The following ANO3 variants were observed in gnomAD, a reference collection of about 807,000 sequenced individuals.
ANO3 encodes the protein anoctamin-3.
ANO3 carries 99 observed loss-of-function variants against 144.8 expected under a neutral mutation model. The ratio of observed to expected loss-of-function variants is 0.68; its 90% CI spans 0.58 to 0.81. The LOEUF is 0.81. ANO3 is among the 30% of genes least tolerant of loss of function. The pLI is 0.00. For synonymous variants in ANO3, 414 were observed against 392.6 expected (o/e 1.05, Z -0.64); for missense variants, 905 against 1,202.2 (o/e 0.75, Z 3.66).
intron 18 of ANO3, among the ~76,000 whole-genome samples, chr11:26,625,540 C>G (rs114161025): frequency 3.3e-4 from 50 of 152,260 alleles, no homozygotes; most frequent in African/African-American, 1.2e-3. Flanking sequence ...ATGGTATATT[C>G]TATAATTGTG....
At chr11:26,647,941 C>A in intron 24 of ANO3, 85 bp downstream of exon 24, 1 of 1,309,662 alleles carries the variant, frequency 7.6e-7, no homozygotes, top group Non-Finnish European at 1.0e-6. Flanking sequence ...TGTTCTGTGA[C>A]CATTAAGGGT....
chr11:26,610,853 A>G (rs1256495311), intron 17 of ANO3, among the ~76,000 whole-genome samples: 1 of 151,800 alleles, frequency 6.6e-6, no homozygotes, highest in Non-Finnish European at 1.5e-5. Flanking sequence ...GTTTCTTCCT[A>G]ATTTAATCTT....
chr11:26,367,542 G>T (rs1856126415), intron 1 of ANO3, among the ~76,000 whole-genome samples: 2 of 151,374 alleles, frequency 1.3e-5, no homozygotes, highest in South Asian at 2.1e-4. Flanking sequence ...TCCAACATCT[G>T]TCTGTTACCC....
intron 5 of ANO3, among the ~76,000 whole-genome samples, chr11:26,512,272 C>T (rs1339918270): frequency 6.6e-6 from 1 of 152,206 alleles, no homozygotes; most frequent in Non-Finnish European, 1.5e-5. Flanking sequence ...TTTCCCTTCT[C>T]TCAAGAGTGA....
chr11:26,429,289 A>C (rs1478259242), intron 1 of ANO3, among the ~76,000 whole-genome samples: 2 of 152,148 alleles, frequency 1.3e-5, no homozygotes, highest in Non-Finnish European at 2.9e-5. Context: ...ACCAGAAAGC[A>C]AACCCGTTTC....
chr11:26,513,741 C>G (rs1009422617), intron 5 of ANO3, among the ~76,000 whole-genome samples: 1 of 152,068 alleles, frequency 6.6e-6, no homozygotes, highest in Non-Finnish European at 1.5e-5. Flanking sequence ...TGCAGGGAAC[C>G]ATTAGGAAGA....
intron 14 of ANO3, among the ~76,000 whole-genome samples, chr11:26,592,280 T>C (rs553447811): frequency 5.0e-4 from 75 of 148,786 alleles, no homozygotes; most frequent in African/African-American, 1.8e-3. Flanking sequence ...TTTTAGATGT[T>C]GTTTGAGTGT....
intron 1 of ANO3, among the ~76,000 whole-genome samples, chr11:26,246,701 G>A (rs200939828): frequency 1.6e-5 from 1 of 60,916 alleles, no homozygotes; most frequent in South Asian, 4.9e-4. Context: ...CATAATCCTC[G>A]TGTGTGGCAG....
intron 7 of ANO3, among the ~76,000 whole-genome samples, chr11:26,530,446 CATCT>C (rs796131649): frequency 1.5e-3 from 214 of 147,318 alleles, no homozygotes; most frequent in African/African-American, 5.4e-3. Flanking sequence ...TAATATCTAT[CATCT>C]ATCTGTCTGT....
At chr11:26,648,341 A>C (rs1853417339) in intron 24 of ANO3, among the ~76,000 whole-genome samples, 1 of 152,172 alleles carries the variant, frequency 6.6e-6, no homozygotes, top group Admixed American at 6.5e-5. Flanking sequence ...TTAAGGACGC[A>C]AAAAATCCTG....
At chr11:26,511,056 T>C (rs553501562) in intron 5 of ANO3, among the ~76,000 whole-genome samples, 172 of 152,276 alleles carry the variant, frequency 1.1e-3, no homozygotes, top group African/African-American at 4.1e-3. Flanking sequence ...ATTCTTAGGA[T>C]TTGTTTCCTA....
intron 1 of ANO3, among the ~76,000 whole-genome samples, chr11:26,323,012 T>C (rs1297808993): frequency 2.0e-5 from 3 of 152,140 alleles, no homozygotes; most frequent in African/African-American, 7.2e-5. Flanking sequence ...TTCATTTATT[T>C]TGGTGCCAAA....
At chr11:26,225,958 G>T (rs1852248194) in intron 1 of ANO3, among the ~76,000 whole-genome samples, 1 of 152,112 alleles carries the variant, frequency 6.6e-6, no homozygotes, top group African/African-American at 2.4e-5. Flanking sequence ...GCCACTGAAT[G>T]GTTTTAAACA....
chr11:26,261,765 A>G (rs1853195471), intron 1 of ANO3, among the ~76,000 whole-genome samples: 1 of 152,240 alleles, frequency 6.6e-6, no homozygotes, highest in Non-Finnish European at 1.5e-5. Flanking sequence ...TATTTCTGAA[A>G]ATTTAAGAGT....
chr11:26,330,629 G>A (rs964140172), upstream of ANO3, among the ~76,000 whole-genome samples: 1 of 152,286 alleles, frequency 6.6e-6, no homozygotes, highest in East Asian at 1.9e-4. Flanking sequence ...GACTCTGAGA[G>A]ATAACTGCCT....
chr11:26,246,574 A>G (rs1438995525), intron 1 of ANO3, among the ~76,000 whole-genome samples: 1 of 147,800 alleles, frequency 6.8e-6, no homozygotes, highest in Non-Finnish European at 1.5e-5. Flanking sequence ...TTTCTTTTGA[A>G]TTTTTCATAA....
chr11:26,476,932 T>TGTGTGTGTGTGA (rs1334120290), intron 4 of ANO3, among the ~76,000 whole-genome samples: 76 of 134,030 alleles, frequency 5.7e-4, no homozygotes, highest in Admixed American at 1.5e-4. Flanking sequence ...TGTGTGTGTG[T>TGTGTGTGTGTGA]GAGAGAGAGA....
rs992572417 is a variant in ANO3 at position 26,534,439 on chromosome 11, T to C, written c.870-17T>C. On this transcript the variant is annotated splice_polypyrimidine_tract_variant and intron_variant, in intron 8 of 26. Transcript: ENST00000256737. ...TGTTCTGCTTTGAATATTAAACCAA[T>C]CCCCTCATCTTAACAGCTTCATAAT... 6 of 1,541,326 alleles carry C rather than the reference T, an allele frequency of 3.9e-6. No homozygotes were observed. The Admixed American group carries it at 1.0e-4, about 26-fold the overall frequency.
intron 4 of ANO3, 137 bp downstream of exon 4, chr11:26,463,285 G>A: frequency 2.2e-6 from 1 of 454,658 alleles, no homozygotes; most frequent in Middle Eastern, 5.8e-4. Flanking sequence ...TAAGAACTCA[G>A]AAGCAAAAAG....
Sources: allele counts gnomAD v4.1 joint callset (sites outside exome capture counted in the v4.1 genomes callset), GRCh38; gene constraint gnomAD v4.1.1; transcripts MANE v1.5; gene names NCBI Gene and HGNC (gene_info 2026-07-23, HGNC 2026-07-21).